The following AFAP1L2 variants were observed in gnomAD, a reference collection of about 807,000 sequenced individuals.
The protein encoded by AFAP1L2 is actin filament-associated protein 1-like 2.
AFAP1L2 carries 46 observed loss-of-function variants against 99.3 expected under a neutral mutation model. The observed-to-expected ratio is 0.46, with a 90% CI of 0.37 to 0.59. The LOEUF is 0.59. Ranked by LOEUF, AFAP1L2 falls within the 20% of genes least tolerant of loss-of-function variation. AFAP1L2 has a pLI of 0.00. For missense variants in AFAP1L2, 959 were observed against 1,034.9 expected (o/e 0.93, Z 1.01); for synonymous variants, 397 against 419.1 (o/e 0.95, Z 0.64).
chr10:114,294,398 T>A (rs547922136), downstream of AFAP1L2, among the ~76,000 whole-genome samples: 1 of 152,362 alleles, frequency 6.6e-6, no homozygotes, highest in South Asian at 2.1e-4. Context: ...TCAGTTCTGC[T>A]ATTTCATATT....
intron 1 of AFAP1L2, among the ~76,000 whole-genome samples, chr10:114,347,978 C>T (rs577992703): frequency 1.9e-3 from 288 of 152,220 alleles, no homozygotes; most frequent in Non-Finnish European, 3.1e-3. Context: ...TCCCTATTTC[C>T]CCCTAGGCTC....
At chr10:114,402,452 A>G (rs566005951) in intron 1 of AFAP1L2, among the ~76,000 whole-genome samples, 1 of 152,352 alleles carries the variant, frequency 6.6e-6, no homozygotes, top group South Asian at 2.1e-4. Flanking sequence ...GATTTTTCTC[A>G]TGAGTCAAAC....
chr10:114,299,100 G>T (rs981847921), intron 16 of AFAP1L2, among the ~76,000 whole-genome samples, 160 bp downstream of exon 16: 10 of 152,202 alleles, frequency 6.6e-5, no homozygotes, highest in African/African-American at 1.7e-4. Context: ...GACAGGATTG[G>T]AAGAAAGGAC....
intron 3 of AFAP1L2, 70 bp downstream of exon 3, chr10:114,333,151 G>T: frequency 7.1e-7 from 1 of 1,414,278 alleles, no homozygotes; most frequent in Non-Finnish European, 1.0e-6. Context: ...AGGTGGGACA[G>T]AACCAGCTTG....
downstream of AFAP1L2, chr10:114,290,292 C>T (rs767924395): frequency 1.0e-5 from 16 of 1,550,558 alleles, no homozygotes; most frequent in Non-Finnish European, 1.2e-5. Context: ...TGAATGAGGG[C>T]AGCTGCGTCC....
intron 1 of AFAP1L2, among the ~76,000 whole-genome samples, chr10:114,395,081 C>T (rs563061892): frequency 1.8e-4 from 28 of 152,156 alleles, no homozygotes; most frequent in Non-Finnish European, 4.1e-4. Context: ...GGACCAGCTG[C>T]CCTGCACTAG....
At chr10:114,315,499 T>C in intron 6 of AFAP1L2, 61 bp downstream of exon 6, 1 of 1,505,190 alleles carries the variant, frequency 6.6e-7, no homozygotes, top group Non-Finnish European at 8.9e-7. Flanking sequence ...CCTCCTTCCC[T>C]GTCCCTGCCC....
At position 114,357,672 on chromosome 10, in the gene AFAP1L2, T is replaced by A. The variant is rs140780077; in HGVS notation, c.17-16941A>T. On this transcript the variant is annotated intron_variant, in intron 1 of 18. Coordinates refer to ENST00000304129, the MANE Select transcript of AFAP1L2 (RefSeq NM_001001936.3). Reference sequence around the variant, plus strand: ...ACATGCAAATTCCAATTTCCCCATTTCTAATTTACATGTATTCCTTGAAAT... The same window carrying A: ...ACATGCAAATTCCAATTTCCCCATTACTAATTTACATGTATTCCTTGAAAT... Among the ~76,000 whole-genome samples, 625 of 152,356 alleles carry A rather than the reference T, an allele frequency of 4.1e-3. 2 individuals are homozygous for A. The highest frequency in any genetic ancestry group is 6.4e-3 in the Non-Finnish European group (438 of 68,038).
intron 1 of AFAP1L2, among the ~76,000 whole-genome samples, chr10:114,397,257 G>A (rs201628472): frequency 2.0e-5 from 3 of 152,054 alleles, no homozygotes; most frequent in Non-Finnish European, 4.4e-5. Flanking sequence ...TGTGGCTCAC[G>A]CCTTCCCCCA....
intron 4 of AFAP1L2, among the ~76,000 whole-genome samples, chr10:114,324,368 C>T (rs774808832): frequency 6.7e-6 from 1 of 150,072 alleles, no homozygotes. Flanking sequence ...TACAGTTTCC[C>T]GAGTAGTTGG....
chr10:114,385,226 A>G (rs1565062211), intron 1 of AFAP1L2, among the ~76,000 whole-genome samples: 1 of 152,160 alleles, frequency 6.6e-6, no homozygotes, highest in African/African-American at 2.4e-5. Context: ...GCAGGAAGCC[A>G]GGCACACAGA....
At chr10:114,312,411 T>C (rs1207464430) in intron 7 of AFAP1L2, among the ~76,000 whole-genome samples, 3 of 152,084 alleles carry the variant, frequency 2.0e-5, no homozygotes, top group South Asian at 2.1e-4. Context: ...CAAATGAGTA[T>C]GTGTGTGTAG....
intron 16 of AFAP1L2, among the ~76,000 whole-genome samples, chr10:114,297,736 T>C (rs544608616): frequency 1.3e-5 from 2 of 152,292 alleles, no homozygotes; most frequent in East Asian, 3.9e-4. Context: ...TGAGGGGCTT[T>C]ATTCATGGCC....
At chr10:114,385,204 G>A (rs1216031126) in intron 1 of AFAP1L2, among the ~76,000 whole-genome samples, 5 of 152,150 alleles carry the variant, frequency 3.3e-5, no homozygotes, top group Admixed American at 2.0e-4. Context: ...GACAGGACAT[G>A]GAGACAGGAG....
chr10:114,398,742 A>G, intron 1 of AFAP1L2: 1 of 1,053,488 alleles, frequency 9.5e-7, no homozygotes, highest in African/African-American at 1.7e-5. Flanking sequence ...CAGCTCCTTG[A>G]TCTCCCTCAA....
intron 5 of AFAP1L2, among the ~76,000 whole-genome samples, chr10:114,320,707 G>A (rs559831329): frequency 5.9e-5 from 9 of 152,206 alleles, no homozygotes; most frequent in African/African-American, 1.9e-4. Context: ...ACCAAGAAGC[G>A]CTGGCCTTTC....
the AFAP1L2 span, chr10:114,284,790 C>G: frequency 7.0e-7 from 1 of 1,424,160 alleles, no homozygotes; most frequent in Non-Finnish European, 9.5e-7. Flanking sequence ...CCAGCTGCAC[C>G]CACACCTCTG....
intron 1 of AFAP1L2, among the ~76,000 whole-genome samples, chr10:114,382,337 T>C (rs907432054): frequency 7.2e-5 from 11 of 151,952 alleles, no homozygotes; most frequent in African/African-American, 2.4e-4. Flanking sequence ...CTATCAGGAA[T>C]GAGCTCGAGA....
chr10:114,393,030 C>G (rs1467700557), intron 1 of AFAP1L2, among the ~76,000 whole-genome samples: 1 of 152,110 alleles, frequency 6.6e-6, no homozygotes, highest in African/African-American at 2.4e-5. Context: ...CGCATGTGCC[C>G]CTATCATACC....
Sources: gnomAD v4.1 joint callset for allele counts (sites outside exome capture counted in the v4.1 genomes callset) on GRCh38, gnomAD v4.1.1 for gene constraint, MANE v1.5 for transcripts, NCBI Gene and HGNC (gene_info 2026-07-23, HGNC 2026-07-21) for gene names.